Variants in LPIN1 observed in about 807,000 individuals in gnomAD.
LPIN1 encodes the protein lipin 1.
LPIN1 carries 71 observed loss-of-function variants against 107.5 expected under a neutral mutation model. That is an observed-to-expected ratio of 0.66 (90% CI 0.55 to 0.80). The LOEUF (loss-of-function observed/expected upper bound fraction) is 0.80. Among genes scored for constraint, LPIN1 ranks in the 30% least tolerant of loss-of-function variants. LPIN1 has a pLI of 0.00. For missense variants in LPIN1, 1,043 were observed against 1,160.6 expected (o/e 0.90, Z 1.47); for synonymous variants, 445 against 452.6 (o/e 0.98, Z 0.21).
intron 18 of LPIN1, chr2:11,819,043 TAC>T (rs3037343): frequency 0.2 from 30,677 of 155,342 alleles, 3,076 homozygotes; most frequent in African/African-American, 0.29. Context: ...TATACACACA[TAC>T]ACACACACAC....
At chr2:11,787,279 T>C (rs1674757479) in intron 11 of LPIN1, 112 bp downstream of exon 11, 1 of 787,444 alleles carries the variant, frequency 1.3e-6, no homozygotes, top group African/African-American at 1.7e-5. Flanking sequence ...AAGACTTTGC[T>C]ACATTGCATT....
chr2:11,789,760 C>T (rs528530906), intron 12 of LPIN1, among the ~76,000 whole-genome samples: 11 of 144,370 alleles, frequency 7.6e-5, no homozygotes, highest in East Asian at 6.0e-4. Context: ...CTTACAAATC[C>T]GTAAGAAAAA....
intron 3 of LPIN1, among the ~76,000 whole-genome samples, chr2:11,768,448 T>C (rs1326558606): frequency 1.3e-5 from 2 of 152,092 alleles, no homozygotes; most frequent in African/African-American, 4.8e-5. Context: ...AACCTTCCTA[T>C]CTCTATAGAT....
At chr2:11,784,100 T>A (rs1674042015) in intron 9 of LPIN1, 178 bp downstream of exon 9, 1 of 1,065,890 alleles carries the variant, frequency 9.4e-7, no homozygotes, top group African/African-American at 1.6e-5. Context: ...AGGTCAGGAG[T>A]TCAAGACCAC....
At chr2:11,757,956 A>G (rs953669536) in intron 1 of LPIN1, among the ~76,000 whole-genome samples, 1 of 152,188 alleles carries the variant, frequency 6.6e-6, no homozygotes, top group African/African-American at 2.4e-5. Context: ...GCCCCTGGTA[A>G]TCAGTCTTTC....
intron 1 of LPIN1, among the ~76,000 whole-genome samples, chr2:11,729,129 C>G (rs1664945540): frequency 1.3e-5 from 2 of 152,152 alleles, no homozygotes; most frequent in Admixed American, 1.3e-4. Context: ...AGGGGAACAT[C>G]ATACACCAGG....
At chr2:11,727,255 G>A (rs1664758526) in intron 1 of LPIN1, among the ~76,000 whole-genome samples, 1 of 152,074 alleles carries the variant, frequency 6.6e-6, no homozygotes, top group South Asian at 2.1e-4. Flanking sequence ...TCTTCTTTAA[G>A]GAAAAGTAGC....
chr2:11,737,410 T>C (rs1665894203), intron 1 of LPIN1, among the ~76,000 whole-genome samples: 1 of 152,198 alleles, frequency 6.6e-6, no homozygotes, highest in Admixed American at 6.5e-5. Flanking sequence ...AAAGAGCTTT[T>C]GCACAGCAAA....
chr2:11,790,125 T>A (rs1675458792), intron 12 of LPIN1, among the ~76,000 whole-genome samples: 1 of 152,240 alleles, frequency 6.6e-6, no homozygotes, highest in South Asian at 2.1e-4. Flanking sequence ...TTAAAATCTT[T>A]CATCCATCTA....
At chr2:11,822,464 A>T (rs1161181261) in intron 20 of LPIN1, among the ~76,000 whole-genome samples, 6 of 147,258 alleles carry the variant, frequency 4.1e-5, no homozygotes, top group East Asian at 2.0e-4. Flanking sequence ...AAAAAAAATT[A>T]AAAAAAAAAG....
chr2:11,713,754 A>G lies in LPIN1; in HGVS notation c.82-2A>G, dbSNP rs1055737712. On this transcript the variant is annotated splice_acceptor_variant, in intron 1 of 21. Coordinates refer to the LPIN1 transcript ENST00000449576. LOFTEE classifies it high-confidence loss of function. ...TTAATTTCTAATGTTTTTGTTTTTC[A>G]GATTCCAATAATGAGAGACCCTGGG... 2.7e-6 allele frequency: 4 copies of G among 1,495,652 alleles called. No homozygotes were observed. The African/African-American group carries it at 4.1e-5, about 15-fold the overall frequency. 92.6% of individuals were successfully genotyped at this position (1,495,652 alleles called of 1,614,324 possible).
In LPIN1 at chr2:11,707,387, A is replaced by T. The variant is rs1663176982; in HGVS notation, c.82-6369A>T. 2.0e-5 allele frequency among the ~76,000 whole-genome samples: 3 copies of T among 152,138 alleles called. No homozygotes were observed. The highest frequency in any genetic ancestry group is 4.2e-4 in the South Asian group (2 of 4,814). On this transcript the variant is annotated intron_variant, in intron 1 of 21. Coordinates refer to the LPIN1 transcript ENST00000449576. The surrounding 1 kb of genome is among the most constrained non-coding windows in gnomAD (Gnocchi z 4.2). The stretch of plus-strand genomic sequence containing the variant: ...TCTGAGGTGGAAGAAGCCACCATGG[A>T]TGATGAAGAGGTGGCAGGAGGTGAG...
Position 11,784,910 on chromosome 2 carries a change from A to G in LPIN1, c.1383A>G (p.Lys461=). The part of the protein sequence containing the change: ...PKNGDPSGLA[K]HASDNGARSA... ...GCGGAGATCCTTCCGGACTCGCAAAACATGCAAGCGACAACGGAGCCCGGT... is the reference window on the plus strand; with the variant it reads ...GCGGAGATCCTTCCGGACTCGCAAAGCATGCAAGCGACAACGGAGCCCGGT... The change falls in exon 10 of 21, where the codon AAA becomes AAG. Residue 461 remains lysine, a synonymous_variant. Coordinates refer to ENST00000674199, the MANE Select transcript of LPIN1 (RefSeq NM_001349206.2). 6.2e-7 allele frequency: 1 copy of G among 1,613,890 alleles called. No individual in the cohort carries two copies.
chr2:11,759,139 T>TTCTG (rs1403081509), intron 1 of LPIN1, among the ~76,000 whole-genome samples: 1 of 83,202 alleles, frequency 1.2e-5, no homozygotes, highest in Non-Finnish European at 2.6e-5. Context: ...TTTCTTTTCT[T>TTCTG]TCTTTCTTTC....
intron 1 of LPIN1, among the ~76,000 whole-genome samples, chr2:11,760,598 G>T (rs1448454204): frequency 6.6e-6 from 1 of 152,172 alleles, no homozygotes; most frequent in Non-Finnish European, 1.5e-5. Flanking sequence ...GGAGAATCAG[G>T]CAGGGAGGTT....
chr2:11,738,979 A>G (rs10185333), intron 1 of LPIN1, among the ~76,000 whole-genome samples: 46,013 of 152,198 alleles, frequency 0.3, 8,100 homozygotes, highest in Non-Finnish European at 0.39. Context: ...AAATTATCTG[A>G]TAGTCTTCCT....
chr2:11,784,837 T>A (rs766464259), intron 9 of LPIN1, 49 bp from the exon 10 acceptor site: 3 of 1,591,512 alleles, frequency 1.9e-6, no homozygotes, highest in South Asian at 2.2e-5. Flanking sequence ...TGTAGGACCC[T>A]GAACTGGGAC....
intron 2 of LPIN1, among the ~76,000 whole-genome samples, chr2:11,716,259 C>T (rs1461328993): frequency 1.3e-5 from 2 of 152,120 alleles, no homozygotes; most frequent in Non-Finnish European, 2.9e-5. Flanking sequence ...CCTTCTATCC[C>T]GGCATTGATC....
chr2:11,801,594 C>G (rs890202212), intron 14 of LPIN1, among the ~76,000 whole-genome samples: 2 of 151,930 alleles, frequency 1.3e-5, no homozygotes, highest in African/African-American at 4.8e-5. Flanking sequence ...GTTACCAGAG[C>G]TGGGAAGGGT....
Sources: gnomAD v4.1 joint callset for allele counts (sites outside exome capture counted in the v4.1 genomes callset) on GRCh38, gnomAD v4.1.1 for gene constraint, Gnocchi (gnomAD v3.1) non-coding constraint, MANE v1.5 for transcripts, NCBI Gene and HGNC (gene_info 2026-07-23, HGNC 2026-07-21) for gene names.